Variants in KHDC4 observed in about 807,000 individuals in gnomAD.
KHDC4 encodes KH homology domain-containing protein 4.
KHDC4 carries 19 observed loss-of-function variants against 74.5 expected under a neutral mutation model. That is an observed-to-expected ratio of 0.26 (90% CI 0.18 to 0.37). The LOEUF is 0.37. Ranked by LOEUF, KHDC4 falls within the 10% of genes least tolerant of loss-of-function variation. KHDC4 has a pLI of 1.00. For missense variants in KHDC4, 632 were observed against 754.1 expected, an observed-to-expected ratio of 0.84 and a Z score of 1.90; for synonymous variants, 253 against 266.1, an observed-to-expected ratio of 0.95 and a Z score of 0.48.
intron 3 of KHDC4, 137 bp from the exon 4 acceptor site, chr1:155,929,512 T>C (rs1348195415): frequency 3.0e-6 from 3 of 1,001,674 alleles, no homozygotes; most frequent in African/African-American, 1.6e-5. Context: ...TTTGATTCCA[T>C]GGTTTCTTAC....
chr1:155,927,202 A>C (rs1674023340), intron 4 of KHDC4, 46 bp from the exon 5 acceptor site: 6 of 1,475,768 alleles, frequency 4.1e-6, no homozygotes, highest in Non-Finnish European at 5.7e-6. Context: ...GGTCAAAACC[A>C]AAAAAGGAGT....
At chr1:155,914,460 A>G in intron 13 of KHDC4, 140 bp from the exon 14 acceptor site, 1 of 659,540 alleles carries the variant, frequency 1.5e-6, no homozygotes, top group East Asian at 2.7e-5. Context: ...GTCAATGGTC[A>G]CCCAAAAACG....
At chr1:155,920,261 C>T (rs1017447318) in intron 10 of KHDC4, among the ~76,000 whole-genome samples, 14 of 151,292 alleles carry the variant, frequency 9.3e-5, no homozygotes, top group African/African-American at 3.4e-4. Flanking sequence ...AACAGTGAAA[C>T]CCCGTCTCTA....
In KHDC4 at chr1:155,933,821, G is replaced by C. The variant is rs749868374; in HGVS notation, c.67C>G (p.Pro23Ala). 6.3e-7 allele frequency: 1 copy of C among 1,582,082 alleles called. No individual in the cohort carries two copies. Residue 23 changes from proline to alanine, a missense_variant, in exon 2 of 14, where the codon CCA becomes GCA. Coordinates refer to ENST00000368321, the MANE Select transcript of KHDC4 (RefSeq NM_014949.4). Reference protein sequence around the residue: ...GRRSKWDQPAPAPLLFLPPAA... With the variant: ...GRRSKWDQPAAAPLLFLPPAA... ...GGCGGGAGGAAGAGAAGTGGGGCTGGAGCTGGTTGGTCCCATTTGCTGCGG... is the reference window on the plus strand; with the variant it reads ...GGCGGGAGGAAGAGAAGTGGGGCTGCAGCTGGTTGGTCCCATTTGCTGCGG...
chr1:155,933,903 C>T (rs1237537156), intron 1 of KHDC4, 54 bp from the exon 2 acceptor site: 7 of 1,368,082 alleles, frequency 5.1e-6, no homozygotes, highest in Non-Finnish European at 6.8e-6. Flanking sequence ...GTATGTTATT[C>T]TTTCCTTACT....
At chr1:155,922,067 T>A in intron 8 of KHDC4, 149 bp from the exon 9 acceptor site, 1 of 65,120 alleles carries the variant, frequency 1.5e-5, no homozygotes, top group Non-Finnish European at 3.0e-5. Context: ...TTAACCCACA[T>A]TTTTTTTTTT....
intron 12 of KHDC4, 113 bp downstream of exon 12, chr1:155,916,512 C>G: frequency 1.4e-6 from 1 of 734,968 alleles, no homozygotes; most frequent in Non-Finnish European, 2.3e-6. Flanking sequence ...ATATTTGATT[C>G]AAAGATTTCA....
intron 10 of KHDC4, among the ~76,000 whole-genome samples, chr1:155,918,396 C>T (rs1359600826): frequency 3.3e-5 from 5 of 152,104 alleles, no homozygotes; most frequent in Non-Finnish European, 7.4e-5. Context: ...CCATGCACAA[C>T]TAATTTTTTT....
rs371174876 is a variant in KHDC4, at chr1:155,929,237, T to C, written c.464+59A>G. Reference sequence around the variant, plus strand: ...ACGTATTACCTAAGGATAAAAAACATGAGGCTAACGTGAGTCATACACCCA... The same window carrying C: ...ACGTATTACCTAAGGATAAAAAACACGAGGCTAACGTGAGTCATACACCCA... On this transcript the variant is annotated intron_variant, in intron 4 of 13. Transcript: ENST00000368321. 24 of 1,187,954 alleles carry C rather than the reference T, an allele frequency of 2.0e-5. No homozygotes were observed. In the African/African-American group the frequency reaches 3.2e-4, roughly 16 times the overall value. The allele number at this position is 1,187,954 out of a possible 1,614,324, so 73.6% of individuals were successfully genotyped here.
chr1:155,913,137 CA>C lies in KHDC4; in HGVS notation c.*983del, dbSNP rs1673665622. ...GATAAGTTTATACAAAGCCAGCCTG[CA>C]AAGTATTCAAATGTGCAAAAATGAC... On this transcript the variant is annotated 3_prime_UTR_variant, in exon 14 of 14. Transcript: ENST00000368321. The C allele has an allele frequency of 6.5e-6, 1 of 152,708 alleles. No individual in the cohort carries two copies. The highest frequency in any genetic ancestry group is 6.5e-5 in the Admixed American group (1 of 15,274). 9.5% of individuals were successfully genotyped at this position (152,708 alleles called of 1,614,324 possible).
At chr1:155,924,809 A>C (rs1673948517) in intron 7 of KHDC4, among the ~76,000 whole-genome samples, 1 of 151,184 alleles carries the variant, frequency 6.6e-6, no homozygotes, top group African/African-American at 2.4e-5. Context: ...CCTGACCTCA[A>C]GTGATCCGCC....
chr1:155,921,933 GA>G lies in KHDC4; in HGVS notation c.955-16del, dbSNP rs1358793458. 6.3e-7 allele frequency: 1 copy of G among 1,580,050 alleles called. No individual in the cohort carries two copies. ...TCAGCATGAACCTGAAAGAGAGGGG[GA>G]AACAAATTAACATGGGACAGCCGAA... On this transcript the variant is annotated splice_polypyrimidine_tract_variant and intron_variant, in intron 8 of 13. Coordinates refer to ENST00000368321, the MANE Select transcript of KHDC4 (RefSeq NM_014949.4).
rs762932288 is a variant in KHDC4 at position 155,933,666 on chromosome 1, C to T, written c.222G>A (p.Gly74=). ...AKINAMLMAK[G]KLKPTQNASE... ...AAGCATTCTGAGTTGGTTTCAGCTT[C>T]CCTTTTGCCATGAGCATGGCATTAA... The change falls in exon 2 of 14, where the codon GGG becomes GGA. Residue 74 remains glycine (G), a synonymous_variant. Coordinates refer to ENST00000368321, the MANE Select transcript of KHDC4 (RefSeq NM_014949.4). 14 of 1,610,340 alleles carry T rather than the reference C, an allele frequency of 8.7e-6. No individual in the cohort carries two copies. The South Asian group carries it at 1.1e-4, about 13-fold the overall frequency.
rs749995222 is a variant in KHDC4 at position 155,914,096 on chromosome 1, G to T, written c.*25C>A. The T allele has an allele frequency of 6.3e-7, 1 of 1,586,454 alleles. No individual in the cohort carries two copies. Among genetic ancestry groups the T allele is most frequent in the Non-Finnish European group, 8.7e-7 (1 of 1,154,960 alleles). On this transcript the variant is annotated 3_prime_UTR_variant, in exon 14 of 14. Coordinates refer to ENST00000368321, the MANE Select transcript of KHDC4 (RefSeq NM_014949.4). Reference sequence around the variant, plus strand: ...ATTATTGCTAAGAAGAGTCACTGAGGGTCAAAACTCTGTTCCACTGTTTCC... The same window carrying T: ...ATTATTGCTAAGAAGAGTCACTGAGTGTCAAAACTCTGTTCCACTGTTTCC...
In KHDC4 at chr1:155,934,398, C is replaced by T. The variant is rs758200644; in HGVS notation, c.-25G>A. Reference sequence around the variant, plus strand: ...TGGCGACCGCTTCTACTCAACCACCCGCCAACTATCCGACTACCACCTCTC... The same window carrying T: ...TGGCGACCGCTTCTACTCAACCACCTGCCAACTATCCGACTACCACCTCTC... On this transcript the variant is annotated 5_prime_UTR_variant, in exon 1 of 14. Transcript: ENST00000368321. 2.4e-5 allele frequency: 39 copies of T among 1,611,006 alleles called. No homozygotes were observed. The highest frequency in any genetic ancestry group is 5.5e-5 in the South Asian group (5 of 90,948).
intron 8 of KHDC4, among the ~76,000 whole-genome samples, chr1:155,922,404 C>A (rs967354068): frequency 5.9e-5 from 9 of 152,160 alleles, no homozygotes; most frequent in Admixed American, 5.9e-4. Flanking sequence ...CTTGGCCTCC[C>A]AAAGGGCTGG....
intron 11 of KHDC4, among the ~76,000 whole-genome samples, chr1:155,917,109 A>G (rs552659652): frequency 3.2e-4 from 49 of 152,278 alleles, no homozygotes; most frequent in African/African-American, 1.2e-3. Flanking sequence ...AAAACTACAA[A>G]TTAAGAATCT....
intron 2 of KHDC4, among the ~76,000 whole-genome samples, chr1:155,931,198 T>C (rs1206612127): frequency 6.8e-6 from 1 of 147,840 alleles, no homozygotes; most frequent in East Asian, 2.0e-4. Context: ...GGCATGAGAC[T>C]GTAGTCTCAG....
intron 11 of KHDC4, among the ~76,000 whole-genome samples, chr1:155,917,183 G>A (rs1016294702): frequency 1.3e-5 from 2 of 152,130 alleles, no homozygotes; most frequent in African/African-American, 4.8e-5. Context: ...TAGCAGTCTT[G>A]AGGGGTGGGG....
Sources: gnomAD v4.1 joint callset for allele counts (sites outside exome capture counted in the v4.1 genomes callset) on GRCh38, gnomAD v4.1.1 for gene constraint, MANE v1.5 for transcripts, NCBI Gene and HGNC (gene_info 2026-07-23, HGNC 2026-07-21) for gene names.